Variants in BIVM observed in about 807,000 individuals in gnomAD.
BIVM encodes basic, immunoglobulin-like variable motif containing, also known as basic immunoglobulin-like variable motif-containing protein.
A neutral mutation model predicts 61.4 loss-of-function variants in BIVM; 31 were observed. The observed-to-expected ratio is 0.51, with a 90% CI of 0.38 to 0.68. BIVM has a LOEUF of 0.68. Among genes scored for constraint, BIVM ranks in the 30% least tolerant of loss-of-function variants. The probability of loss-of-function intolerance (pLI) is 0.00; values close to 1 mark genes in which losing one functional copy is unlikely to be tolerated. For missense variants in BIVM, 526 were observed against 596.0 expected (o/e 0.88, Z 1.22); for synonymous variants, 189 against 210.7 (o/e 0.90, Z 0.89).
At chr13:102,826,910 G>A (rs1362263419) in intron 7 of BIVM, among the ~76,000 whole-genome samples, 2 of 152,076 alleles carry the variant, frequency 1.3e-5, no homozygotes, top group African/African-American at 4.8e-5. Flanking sequence ...GAAACTCTGG[G>A]TATCGAGGAA....
intron 3 of BIVM, among the ~76,000 whole-genome samples, chr13:102,813,890 G>A (rs1879671903): frequency 1.3e-5 from 2 of 152,028 alleles, no homozygotes; most frequent in Non-Finnish European, 2.9e-5. Context: ...ACAGAATTTG[G>A]GCCCCCTCTT....
At chr13:102,828,321 C>G (rs1223017978) in intron 7 of BIVM, among the ~76,000 whole-genome samples, 1 of 151,572 alleles carries the variant, frequency 6.6e-6, no homozygotes, top group Non-Finnish European at 1.5e-5. Flanking sequence ...CCAGGCAAGT[C>G]CAGACTCATT....
rs574502590 is a variant in BIVM, at chr13:102,831,758, G to A, written c.1034+61G>A. 42 of 1,570,222 alleles carry A rather than the reference G, an allele frequency of 2.7e-5. No individual in the cohort carries two copies. The East Asian group carries it at 6.3e-4, about 24-fold the overall frequency. On this transcript the variant is annotated intron_variant, in intron 8 of 10. Coordinates refer to ENST00000257336, the MANE Select transcript of BIVM (RefSeq NM_017693.4). ...GAAATATTAAAAAATAGATGGGTGC[G>A]GTAGCTCACGCCTGTAATCCTAGCA...
chr13:102,808,803 T>C (rs1191654224), intron 3 of BIVM, among the ~76,000 whole-genome samples: 1 of 152,138 alleles, frequency 6.6e-6, no homozygotes. Context: ...TTTTAATTTG[T>C]CCATGTCATT....
intron 4 of BIVM, among the ~76,000 whole-genome samples, chr13:102,819,614 C>T (rs1046444243): frequency 6.6e-6 from 1 of 151,932 alleles, no homozygotes; most frequent in Non-Finnish European, 1.5e-5. Context: ...GGGGTGGGAA[C>T]CGGGGACAGG....
intron 7 of BIVM, 51 bp downstream of exon 7, chr13:102,822,210 C>A: frequency 6.6e-7 from 1 of 1,510,460 alleles, no homozygotes; most frequent in Non-Finnish European, 9.1e-7. Flanking sequence ...CATGCACACA[C>A]ACACATACAC....
chr13:102,816,379 G>C (rs766647014), intron 3 of BIVM, 49 bp from the exon 4 acceptor site: 3 of 1,466,976 alleles, frequency 2.0e-6, no homozygotes, highest in Non-Finnish European at 2.7e-6. Context: ...TGTCATTTCA[G>C]TTTACTTCAT....
At chr13:102,809,872 G>T (rs913370626) in intron 3 of BIVM, among the ~76,000 whole-genome samples, 3 of 149,130 alleles carry the variant, frequency 2.0e-5, no homozygotes, top group Non-Finnish European at 4.4e-5. Context: ...TGCAAGCTCC[G>T]CCTCCCGGGT....
At chr13:102,810,066 C>T (rs1879395620) in intron 3 of BIVM, among the ~76,000 whole-genome samples, 2 of 152,118 alleles carry the variant, frequency 1.3e-5, no homozygotes, top group African/African-American at 4.8e-5. Flanking sequence ...AGCCACCCCG[C>T]CCAGCCCTTC....
chr13:102,835,579 G>A (rs1186556215), intron 9 of BIVM, among the ~76,000 whole-genome samples: 1 of 152,112 alleles, frequency 6.6e-6, no homozygotes, highest in African/African-American at 2.4e-5. Flanking sequence ...TGTCACTTAG[G>A]TGGGAGTGCA....
At chr13:102,834,740 A>G (rs1881346348) in intron 9 of BIVM, among the ~76,000 whole-genome samples, 188 bp downstream of exon 9, 2 of 152,244 alleles carry the variant, frequency 1.3e-5, no homozygotes, top group Admixed American at 1.3e-4. Context: ...CAATCTCCAT[A>G]GAAAGCCCCT....
At chr13:102,828,371 GT>G (rs1880819876) in intron 7 of BIVM, among the ~76,000 whole-genome samples, 2 of 152,122 alleles carry the variant, frequency 1.3e-5, no homozygotes, top group East Asian at 3.9e-4. Context: ...TTATATTCAT[GT>G]ATTTAGTTTT....
At chr13:102,827,168 T>G (rs1391734085) in intron 7 of BIVM, among the ~76,000 whole-genome samples, 1 of 152,148 alleles carries the variant, frequency 6.6e-6, no homozygotes, top group African/African-American at 2.4e-5. Context: ...TTTCCAATAG[T>G]CTGGTACCTC....
chr13:102,831,553 T>C lies in BIVM; in HGVS notation c.902-12T>C. On this transcript the variant is annotated splice_polypyrimidine_tract_variant and intron_variant, in intron 7 of 10. Transcript: ENST00000257336. ...TGGGCTTTCAGTTTGTGTGTTTGTTTGTTTTTAATAGCTTCAGGGGCCCTG... is the reference window on the plus strand; with the variant it reads ...TGGGCTTTCAGTTTGTGTGTTTGTTCGTTTTTAATAGCTTCAGGGGCCCTG... The C allele has an allele frequency of 6.2e-7, 1 of 1,614,026 alleles. No homozygotes were observed. The highest frequency in any genetic ancestry group is 8.5e-7 in the Non-Finnish European group (1 of 1,179,958).
intron 8 of BIVM, 45 bp from the exon 9 acceptor site, chr13:102,834,421 A>G (rs765549036): frequency 6.5e-7 from 1 of 1,541,692 alleles, no homozygotes. Context: ...CAATATACTC[A>G]AGGGAGTAAC....
chr13:102,827,582 TA>T (rs760532302), intron 7 of BIVM, among the ~76,000 whole-genome samples: 3 of 152,212 alleles, frequency 2.0e-5, no homozygotes, highest in Non-Finnish European at 4.4e-5. Context: ...GGGACCCAGT[TA>T]AGCCCTGCTT....
chr13:102,830,201 A>G (rs1398057140), intron 7 of BIVM, among the ~76,000 whole-genome samples: 1 of 152,068 alleles, frequency 6.6e-6, no homozygotes, highest in Non-Finnish European at 1.5e-5. Context: ...TCCACCTTAT[A>G]TAAAAGTTAC....
chr13:102,801,724 T>G (rs922108483), intron 1 of BIVM: 2 of 152,192 alleles, frequency 1.3e-5, no homozygotes, highest in Non-Finnish European at 2.9e-5. Context: ...AAAACCAGAC[T>G]TGCAGGATGC....
intron 3 of BIVM, among the ~76,000 whole-genome samples, chr13:102,814,989 A>G (rs1879764201): frequency 6.6e-6 from 1 of 152,152 alleles, no homozygotes; most frequent in Admixed American, 6.5e-5. Flanking sequence ...GGTTGCAATG[A>G]GTGGAGATTG....
Sources: gnomAD v4.1 joint callset for allele counts (sites outside exome capture counted in the v4.1 genomes callset) on GRCh38, gnomAD v4.1.1 for gene constraint, MANE v1.5 for transcripts, NCBI Gene and HGNC (gene_info 2026-07-23, HGNC 2026-07-21) for gene names.